Variants in PDE4B observed in about 807,000 individuals in gnomAD.
PDE4B encodes 3',5'-cyclic-AMP phosphodiesterase 4B.
PDE4B carries 20 observed loss-of-function variants against 82.2 expected under a neutral mutation model. That is an observed-to-expected ratio of 0.24 (90% CI 0.17 to 0.35). The LOEUF (loss-of-function observed/expected upper bound fraction) is 0.35, where lower values mean the gene tolerates loss of function less well. Among genes scored for constraint, PDE4B ranks in the 10% least tolerant of loss-of-function variants. The pLI is 1.00. For synonymous variants in PDE4B, 320 were observed against 318.9 expected, an observed-to-expected ratio of 1.00 and a Z score of -0.04; for missense variants, 655 against 907.2, an observed-to-expected ratio of 0.72 and a Z score of 3.57.
At chr1:66,166,601 G>C (rs1056676492) in intron 3 of PDE4B, among the ~76,000 whole-genome samples, 3 of 152,014 alleles carry the variant, frequency 2.0e-5, no homozygotes, top group African/African-American at 7.2e-5. Flanking sequence ...GGGCATGGTG[G>C]CGTGCACCTG....
At chr1:66,292,131 A>T (rs974068870) in intron 7 of PDE4B, among the ~76,000 whole-genome samples, 1 of 152,154 alleles carries the variant, frequency 6.6e-6, no homozygotes, top group Non-Finnish European at 1.5e-5. Flanking sequence ...CATTGAATAG[A>T]TGTGCTCTAA....
chr1:65,988,742 T>C (rs1331994735), intron 3 of PDE4B, among the ~76,000 whole-genome samples: 5 of 151,940 alleles, frequency 3.3e-5, no homozygotes, highest in African/African-American at 1.2e-4. Context: ...CCATGTTATT[T>C]TGAGTGCCAT....
At chr1:66,076,155 A>G (rs868321) in intron 3 of PDE4B, among the ~76,000 whole-genome samples, 77,547 of 151,822 alleles carry the variant, frequency 0.51, 19,878 homozygotes, top group East Asian at 0.58. Flanking sequence ...ATAGTACCCA[A>G]TAGGTAGTTT....
rs530470512 is a variant in PDE4B, at chr1:66,123,583, CT to C, written c.282-123867del. Among the ~76,000 whole-genome samples, 865 of 135,602 alleles carry C rather than the reference CT, an allele frequency of 6.4e-3. 7 individuals are homozygous for C. Among genetic ancestry groups the C allele is most frequent in the African/African-American group, 0.022 (810 of 36,568 alleles). The allele number at this position is 135,602 out of a possible 152,430, so 89.0% of individuals were successfully genotyped here. ...CTCCCTCTCTTATTCTTTTATTTGTCTTTTTTTTTTAAAGGCTTTAATGTTA... is the reference window on the plus strand; with the variant it reads ...CTCCCTCTCTTATTCTTTTATTTGTCTTTTTTTTTAAAGGCTTTAATGTTA... On this transcript the variant is annotated intron_variant, in intron 3 of 16. Coordinates refer to ENST00000341517, the MANE Select transcript of PDE4B (RefSeq NM_002600.4).
intron 3 of PDE4B, among the ~76,000 whole-genome samples, chr1:66,072,624 C>T (rs986918024): frequency 3.9e-5 from 6 of 152,090 alleles, no homozygotes; most frequent in Non-Finnish European, 8.8e-5. Context: ...TGCAGCCTTT[C>T]AAAATGGTTC....
At chr1:66,301,048 T>C (rs1557687600) in intron 7 of PDE4B, among the ~76,000 whole-genome samples, 2 of 152,248 alleles carry the variant, frequency 1.3e-5, no homozygotes, top group Admixed American at 1.3e-4. Flanking sequence ...TGTTTACACA[T>C]ATGAGCATGC....
At chr1:66,229,256 G>A (rs968421208) in intron 3 of PDE4B, among the ~76,000 whole-genome samples, 7 of 151,826 alleles carry the variant, frequency 4.6e-5, no homozygotes, top group South Asian at 2.1e-4. Flanking sequence ...TGATCCGCCC[G>A]CCTCGGCCTC....
intron 3 of PDE4B, among the ~76,000 whole-genome samples, chr1:66,131,592 G>GATATAT (rs71058452): frequency 0.054 from 1,761 of 32,714 alleles, 448 homozygotes; most frequent in Non-Finnish European, 0.09. Flanking sequence ...CTGAATGCCA[G>GATATAT]ATATATATAT....
At chr1:66,185,857 A>AT (rs1647189066) in intron 3 of PDE4B, among the ~76,000 whole-genome samples, 1 of 152,080 alleles carries the variant, frequency 6.6e-6, no homozygotes, top group Non-Finnish European at 1.5e-5. Flanking sequence ...CCATTTGTCA[A>AT]TTTTGGCTTT....
In PDE4B at chr1:66,164,561, AAG is replaced by A. The variant is rs1180722635; in HGVS notation, c.282-82897_282-82896del. ...AAAAAAAAAAAAAAAAAAAAAAAAAAAGAAAGAAAGAAAGAAAAAGAAAGAAA... is the reference window on the plus strand; with the variant it reads ...AAAAAAAAAAAAAAAAAAAAAAAAAAAAAGAAAGAAAGAAAAAGAAAGAAA... On this transcript the variant is annotated intron_variant, in intron 3 of 16. Transcript: ENST00000341517. Among the ~76,000 whole-genome samples, 493 of 134,336 alleles carry A rather than the reference AAG, an allele frequency of 3.7e-3. 1 individual carries two copies. The highest frequency in any genetic ancestry group is 6.1e-3 in the Non-Finnish European group (386 of 63,616). The allele number at this position is 134,336 out of a possible 152,430, so 88.1% of individuals were successfully genotyped here.
chr1:66,143,055 G>A (rs1420946834), intron 3 of PDE4B, among the ~76,000 whole-genome samples: 1 of 152,194 alleles, frequency 6.6e-6, no homozygotes, highest in African/African-American at 2.4e-5. Flanking sequence ...TAGCACAGGA[G>A]CCACACAGCT....
At chr1:65,924,512 A>G (rs958961238) in intron 3 of PDE4B, among the ~76,000 whole-genome samples, 3 of 152,042 alleles carry the variant, frequency 2.0e-5, no homozygotes, top group African/African-American at 7.2e-5. Flanking sequence ...GTGGTTTTCT[A>G]TTCCCTGCTA....
At chr1:65,962,818 G>A (rs1049092871) in intron 3 of PDE4B, among the ~76,000 whole-genome samples, 1 of 152,034 alleles carries the variant, frequency 6.6e-6, no homozygotes, top group Non-Finnish European at 1.5e-5. Context: ...AAATTAGGGG[G>A]GCCATGTAAT....
chr1:66,154,378 T>C (rs1385721057), intron 3 of PDE4B, among the ~76,000 whole-genome samples: 1 of 152,144 alleles, frequency 6.6e-6, no homozygotes, highest in Non-Finnish European at 1.5e-5. Flanking sequence ...CCCTTCTTCT[T>C]TGATAGAATG....
chr1:66,247,717 T>A, intron 4 of PDE4B, 63 bp downstream of exon 4: 1 of 1,234,208 alleles, frequency 8.1e-7, no homozygotes, highest in Non-Finnish European at 1.1e-6. Context: ...CAGGTCACAG[T>A]GGCAGCAACA....
intron 1 of PDE4B, among the ~76,000 whole-genome samples, chr1:65,868,460 C>T (rs1646536262): frequency 1.3e-5 from 2 of 152,202 alleles, no homozygotes; most frequent in Admixed American, 1.3e-4. Context: ...GGATGACATA[C>T]TGAGTTGAGT....
At chr1:66,296,239 G>A (rs1195201294) in intron 7 of PDE4B, among the ~76,000 whole-genome samples, 2 of 152,082 alleles carry the variant, frequency 1.3e-5, no homozygotes, top group African/African-American at 4.8e-5. Context: ...CACAGGACCT[G>A]GCCTAATGCT....
chr1:66,137,371 C>A (rs1000466705), intron 3 of PDE4B, among the ~76,000 whole-genome samples: 2 of 152,072 alleles, frequency 1.3e-5, no homozygotes, highest in Non-Finnish European at 2.9e-5. Context: ...CATAAGCATG[C>A]ATTTTGATTT....
intron 7 of PDE4B, among the ~76,000 whole-genome samples, chr1:66,291,626 T>G (rs1657085885): frequency 6.6e-6 from 1 of 152,186 alleles, no homozygotes. Context: ...GTTTATGGTT[T>G]GTTGGTTTTT....
Sources: gnomAD v4.1 joint callset for allele counts (sites outside exome capture counted in the v4.1 genomes callset) on GRCh38, gnomAD v4.1.1 for gene constraint, MANE v1.5 for transcripts, NCBI Gene and HGNC (gene_info 2026-07-23, HGNC 2026-07-21) for gene names.